Variants in SDK1 observed in about 807,000 individuals in gnomAD.
SDK1 encodes sidekick cell adhesion molecule 1.
SDK1 carries 157 observed loss-of-function variants against 245.5 expected under a neutral mutation model. The ratio of observed to expected loss-of-function variants is 0.64; its 90% CI spans 0.56 to 0.73. The LOEUF (loss-of-function observed/expected upper bound fraction) is 0.73. Ranked by LOEUF, SDK1 falls within the 30% of genes least tolerant of loss-of-function variation. SDK1 has a pLI of 0.00. For synonymous variants in SDK1, 1,647 were observed against 1,278.5 expected (o/e 1.29, Z -6.15); for missense variants, 3,583 against 3,002.3 (o/e 1.19, Z -4.52).
chr7:3,987,134 G>A, intron 13 of SDK1, 52 bp from the exon 14 acceptor site: 1 of 1,596,530 alleles, frequency 6.3e-7, no homozygotes, highest in Non-Finnish European at 8.6e-7. Context: ...GGCTCACCAT[G>A]GATTCTGACA....
chr7:3,499,063 CTGTAATACAAATGCATTCAGTAAAGTG>C, intron 1 of SDK1, among the ~76,000 whole-genome samples: 1 of 152,196 alleles, frequency 6.6e-6, no homozygotes, highest in Non-Finnish European at 1.5e-5. Context: ...GCATATCACA[CTGTAATACAAATGCATTCAGTAAAGTG>C]TGCCCTTTCT....
intron 1 of SDK1, among the ~76,000 whole-genome samples, chr7:3,448,567 T>G (rs1382053382): frequency 1.3e-5 from 2 of 152,170 alleles, no homozygotes; most frequent in African/African-American, 4.8e-5. Flanking sequence ...TAAATTCTCT[T>G]ATGAATGTTA....
At chr7:3,759,965 A>C (rs1440608498) in intron 4 of SDK1, among the ~76,000 whole-genome samples, 6 of 151,826 alleles carry the variant, frequency 4.0e-5, no homozygotes, top group African/African-American at 1.5e-4. Flanking sequence ...TCCTTTTCCC[A>C]TCATTTCCAA....
chr7:4,121,545 C>T (rs1163422983), intron 25 of SDK1, among the ~76,000 whole-genome samples: 1 of 152,210 alleles, frequency 6.6e-6, no homozygotes, highest in African/African-American at 2.4e-5. Context: ...GAGGCCTCTC[C>T]AGCCATGTGT....
chr7:3,943,615 C>T (rs995227232), intron 5 of SDK1, among the ~76,000 whole-genome samples: 40 of 151,432 alleles, frequency 2.6e-4, no homozygotes, highest in Admixed American at 1.2e-3. Flanking sequence ...CCCAACCCGG[C>T]GCACGGTGCG....
intron 4 of SDK1, among the ~76,000 whole-genome samples, chr7:3,747,673 A>G (rs1779663970): frequency 6.6e-6 from 1 of 151,398 alleles, no homozygotes; most frequent in African/African-American, 2.4e-5. Flanking sequence ...GAGGGCCTGT[A>G]ACTAGAGGAT....
intron 5 of SDK1, among the ~76,000 whole-genome samples, chr7:3,913,186 C>G (rs1202983515): frequency 2.0e-5 from 3 of 152,180 alleles, no homozygotes; most frequent in South Asian, 2.1e-4. Flanking sequence ...GAAATGCCTC[C>G]AGCTCCTGGC....
intron 22 of SDK1, among the ~76,000 whole-genome samples, chr7:4,099,029 C>G (rs780086161): frequency 2.6e-5 from 4 of 151,750 alleles, no homozygotes; most frequent in African/African-American, 9.7e-5. Context: ...TTGTAATGAT[C>G]TATGGCCAGG....
chr7:3,401,557 G>C (rs1778887850), intron 1 of SDK1, among the ~76,000 whole-genome samples: 1 of 152,168 alleles, frequency 6.6e-6, no homozygotes, highest in African/African-American at 2.4e-5. Flanking sequence ...CATGGCCCAG[G>C]TGAGTCTTGA....
chr7:3,486,936 G>C (rs576887351), intron 1 of SDK1, among the ~76,000 whole-genome samples: 1 of 152,068 alleles, frequency 6.6e-6, no homozygotes, highest in Non-Finnish European at 1.5e-5. Flanking sequence ...TATTACATGT[G>C]TAAAGGTTAT....
At chr7:3,683,738 T>G (rs908624507) in intron 4 of SDK1, among the ~76,000 whole-genome samples, 2 of 152,224 alleles carry the variant, frequency 1.3e-5, no homozygotes, top group African/African-American at 4.8e-5. Context: ...TCTCTGAGTT[T>G]CCTTGTTGCC....
intron 14 of SDK1, among the ~76,000 whole-genome samples, chr7:3,995,949 TG>T (rs1364401176): frequency 6.6e-6 from 1 of 152,192 alleles, no homozygotes; most frequent in Admixed American, 6.5e-5. Flanking sequence ...TGTTTTCCTT[TG>T]TCACTTCATT....
At chr7:3,334,574 C>T (rs1379342828) in intron 1 of SDK1, among the ~76,000 whole-genome samples, 7 of 152,192 alleles carry the variant, frequency 4.6e-5, no homozygotes, top group South Asian at 2.1e-4. Context: ...GACAGGAGCA[C>T]GTTCCAGAGG....
chr7:3,592,032 G>A (rs1294129670), intron 1 of SDK1, among the ~76,000 whole-genome samples: 1 of 152,176 alleles, frequency 6.6e-6, no homozygotes, highest in African/African-American at 2.4e-5. Flanking sequence ...ACCATTTGTG[G>A]AAATTACAGT....
chr7:3,660,671 G>T (rs527805406), intron 4 of SDK1, among the ~76,000 whole-genome samples: 4 of 152,294 alleles, frequency 2.6e-5, no homozygotes, highest in Admixed American at 2.6e-4. Context: ...GAAAGTTTAG[G>T]ATCAAACAAC....
chr7:4,151,292 C>A (rs1408121863), intron 30 of SDK1, among the ~76,000 whole-genome samples: 1 of 152,180 alleles, frequency 6.6e-6, no homozygotes, highest in Non-Finnish European at 1.5e-5. Flanking sequence ...CCCACCCTGG[C>A]ACAGTCACCC....
intron 5 of SDK1, among the ~76,000 whole-genome samples, chr7:3,848,408 C>T (rs1008140533): frequency 6.6e-6 from 1 of 152,148 alleles, no homozygotes; most frequent in Admixed American, 6.5e-5. Context: ...TGCAGGATGA[C>T]AGGAGCCTTC....
intron 1 of SDK1, among the ~76,000 whole-genome samples, chr7:3,392,631 C>T (rs1781786604): frequency 6.6e-6 from 1 of 152,146 alleles, no homozygotes. Flanking sequence ...CTCCCTCCAA[C>T]CCTGGTAACT....
Position 4,105,453 on chromosome 7 carries a change from C to T in SDK1, c.3325-5210C>T, listed in dbSNP as rs567899303. Among the ~76,000 whole-genome samples the T allele has an allele frequency of 7.9e-5, 12 of 151,414 alleles. No individual in the cohort carries two copies. The East Asian group carries it at 1.4e-3, about 17-fold the overall frequency. On this transcript the variant is annotated intron_variant, in intron 22 of 44. Coordinates refer to ENST00000404826, the MANE Select transcript of SDK1 (RefSeq NM_152744.4). ...TCGTGAGTAGCTGGGACTACAGGCA[C>T]GTGCCACCACACCCAGCCAATTTTT...
Sources: gnomAD v4.1 joint callset for allele counts (sites outside exome capture counted in the v4.1 genomes callset) on GRCh38, gnomAD v4.1.1 for gene constraint, MANE v1.5 for transcripts, NCBI Gene and HGNC (gene_info 2026-07-23, HGNC 2026-07-21) for gene names.